The following TRAPPC9 variants were observed in gnomAD, a reference collection of about 807,000 sequenced individuals.
TRAPPC9 encodes the protein IKK2 binding protein.
TRAPPC9 carries 83 observed loss-of-function variants against 124.0 expected under a neutral mutation model. That is an observed-to-expected ratio of 0.67 (90% CI 0.56 to 0.80). TRAPPC9 has a LOEUF of 0.80. Among genes scored for constraint, TRAPPC9 ranks in the 30% least tolerant of loss-of-function variants. TRAPPC9 has a pLI of 0.00. For missense variants in TRAPPC9, 1,302 were observed against 1,508.3 expected (o/e 0.86, Z 2.27); for synonymous variants, 638 against 617.5 (o/e 1.03, Z -0.49).
chr8:140,071,634 G>T (rs1413275659), intron 17 of TRAPPC9, among the ~76,000 whole-genome samples: 6 of 150,928 alleles, frequency 4.0e-5, no homozygotes, highest in Non-Finnish European at 5.9e-5. Context: ...CGTGTAGATG[G>T]GGACGGTAAC....
chr8:139,951,160 T>C (rs1834621321), intron 19 of TRAPPC9, among the ~76,000 whole-genome samples: 1 of 152,174 alleles, frequency 6.6e-6, no homozygotes, highest in African/African-American at 2.4e-5. Context: ...AGAATTGGTA[T>C]GGGAAGGAAC....
chr8:139,884,587 C>T (rs1829881886), intron 21 of TRAPPC9, among the ~76,000 whole-genome samples: 1 of 152,206 alleles, frequency 6.6e-6, no homozygotes, highest in South Asian at 2.1e-4. Flanking sequence ...CATCTCACGG[C>T]CAGGGGGGCC....
At chr8:139,758,036 C>T (rs1042577054) in intron 21 of TRAPPC9, among the ~76,000 whole-genome samples, 1 of 152,216 alleles carries the variant, frequency 6.6e-6, no homozygotes, top group East Asian at 1.9e-4. Context: ...GCCTGGGCCT[C>T]GTGGAGGCCT....
intron 7 of TRAPPC9, among the ~76,000 whole-genome samples, chr8:140,389,829 TAAC>T (rs902680712): frequency 3.2e-5 from 4 of 126,474 alleles, no homozygotes; most frequent in African/African-American, 1.3e-4. Flanking sequence ...ACATACAATT[TAAC>T]AACAATAACC....
intron 17 of TRAPPC9, among the ~76,000 whole-genome samples, chr8:140,187,138 G>A (rs1207046237): frequency 6.6e-6 from 1 of 152,196 alleles, no homozygotes; most frequent in East Asian, 1.9e-4. Flanking sequence ...TTTGACCTGT[G>A]CAGGTCCACT....
intron 19 of TRAPPC9, chr8:139,932,770 A>C (rs1227096422): frequency 2.9e-6 from 1 of 348,250 alleles, no homozygotes; most frequent in Non-Finnish European, 5.7e-6. Context: ...TCTTCAAAAA[A>C]AAAAAGCACT....
intron 17 of TRAPPC9, among the ~76,000 whole-genome samples, chr8:140,084,182 G>T (rs1844034215): frequency 6.6e-6 from 1 of 152,114 alleles, no homozygotes; most frequent in South Asian, 2.1e-4. Flanking sequence ...GATTGAGGCT[G>T]GGCAGTGGAA....
At chr8:140,016,115 TC>T (rs999764504) in intron 18 of TRAPPC9, among the ~76,000 whole-genome samples, 23 of 152,312 alleles carry the variant, frequency 1.5e-4, no homozygotes, top group African/African-American at 5.1e-4. Context: ...TTTCCAGCTC[TC>T]CCCAGTAAAA....
chr8:139,893,390 CA>C lies in TRAPPC9; in HGVS notation c.2965-7422del, dbSNP rs1475381739. ...TCAGACCCAACACAACCATGCCCCT[CA>C]GGGGAGCCAACTGAGCACAGCCACA... On this transcript the variant is annotated intron_variant, in intron 20 of 22. Coordinates refer to ENST00000438773, the MANE Select transcript of TRAPPC9 (RefSeq NM_001160372.4). Among the ~76,000 whole-genome samples, 57 of 152,326 alleles carry C rather than the reference CA, an allele frequency of 3.7e-4. 1 individual carries two copies. Among genetic ancestry groups the C allele is most frequent in the Non-Finnish European group, 1.5e-5 (1 of 68,030 alleles).
chr8:140,248,589 T>C (rs2064043839), intron 16 of TRAPPC9, among the ~76,000 whole-genome samples: 1 of 152,240 alleles, frequency 6.6e-6, no homozygotes, highest in African/African-American at 2.4e-5. Flanking sequence ...CTATGGGTAT[T>C]TGGTTTTTCT....
At chr8:140,383,507 G>A (rs979627662) in intron 7 of TRAPPC9, among the ~76,000 whole-genome samples, 5 of 152,188 alleles carry the variant, frequency 3.3e-5, no homozygotes, top group African/African-American at 4.8e-5. Context: ...CGAGAACTAC[G>A]TGACGAATGC....
At chr8:139,949,353 T>C (rs1834484791) in intron 19 of TRAPPC9, among the ~76,000 whole-genome samples, 1 of 152,054 alleles carries the variant, frequency 6.6e-6, no homozygotes, top group Non-Finnish European at 1.5e-5. Flanking sequence ...ACAGAAAACA[T>C]TAAACGTGGC....
intron 18 of TRAPPC9, among the ~76,000 whole-genome samples, chr8:139,997,179 G>A (rs559307545): frequency 6.6e-6 from 1 of 152,288 alleles, no homozygotes; most frequent in East Asian, 1.9e-4. Flanking sequence ...TCTACACAGA[G>A]GAGACAATGC....
chr8:140,057,979 G>A (rs1842388591), intron 17 of TRAPPC9, among the ~76,000 whole-genome samples: 1 of 152,188 alleles, frequency 6.6e-6, no homozygotes, highest in Non-Finnish European at 1.5e-5. Flanking sequence ...GCTGGGGGCA[G>A]CATCCACCCA....
chr8:139,787,821 G>T (rs1363936836), intron 21 of TRAPPC9, among the ~76,000 whole-genome samples: 2 of 152,250 alleles, frequency 1.3e-5, no homozygotes, highest in South Asian at 2.1e-4. Flanking sequence ...GCTCCCAGGG[G>T]TGTGGCTTTG....
chr8:140,001,754 A>C (rs1228084525), intron 18 of TRAPPC9, among the ~76,000 whole-genome samples: 1 of 152,236 alleles, frequency 6.6e-6, no homozygotes, highest in Non-Finnish European at 1.5e-5. Flanking sequence ...AATCCATCCA[A>C]GAAAGCACTT....
At chr8:140,150,970 C>T (rs761861875) in intron 17 of TRAPPC9, among the ~76,000 whole-genome samples, 4 of 152,182 alleles carry the variant, frequency 2.6e-5, no homozygotes, top group East Asian at 1.9e-4. Flanking sequence ...AAATTATAAA[C>T]GACTTCTACT....
intron 9 of TRAPPC9, among the ~76,000 whole-genome samples, chr8:140,319,239 G>A (rs1439524352): frequency 2.1e-5 from 3 of 145,498 alleles, no homozygotes; most frequent in Non-Finnish European, 3.0e-5. Context: ...GCAGTGGCGC[G>A]ATCTCGGCTC....
In TRAPPC9 at chr8:140,229,251, CTTTTTT is replaced by C. The variant is rs528175891; in HGVS notation, c.2432-7674_2432-7669del. Among the ~76,000 whole-genome samples the C allele has an allele frequency of 2.2e-3, 216 of 99,750 alleles. 2 individuals are homozygous for C. The highest frequency in any genetic ancestry group is 9.0e-3 in the African/African-American group (195 of 21,688). The allele number at this position is 99,750 out of a possible 152,430, so 65.4% of individuals were successfully genotyped here. A position where few individuals can be genotyped will look rare whatever the true frequency, so the allele number is the denominator to read the frequency against. On this transcript the variant is annotated intron_variant, in intron 16 of 22. Transcript: ENST00000438773. The stretch of plus-strand genomic sequence containing the variant: ...AGTCAATTCCGTATGTTTTCTTTTT[CTTTTTT>C]TTTTTTTTTTTTTTTTTTTTTTTTT...
Sources: allele counts gnomAD v4.1 joint callset (sites outside exome capture counted in the v4.1 genomes callset), GRCh38; gene constraint gnomAD v4.1.1; transcripts MANE v1.5; gene names NCBI Gene and HGNC (gene_info 2026-07-23, HGNC 2026-07-21).